ESR1: variants seen among roughly 807,000 people sequenced by gnomAD.
ESR1 encodes the protein estrogen receptor.
Under a neutral mutation model 52.7 loss-of-function variants are expected in ESR1, and 12 were observed. That is an observed-to-expected ratio of 0.23 (90% CI 0.15 to 0.37). ESR1 has a LOEUF of 0.37. Among genes scored for constraint, ESR1 ranks in the 10% least tolerant of loss-of-function variants. The pLI is 1.00. For synonymous variants in ESR1, 305 were observed against 316.8 expected, an observed-to-expected ratio of 0.96 and a Z score of 0.39; for missense variants, 584 against 779.7, an observed-to-expected ratio of 0.75 and a Z score of 2.99.
At chr6:151,753,866 C>T (rs1297874526) in intron 2 of ESR1, among the ~76,000 whole-genome samples, 1 of 152,198 alleles carries the variant, frequency 6.6e-6, no homozygotes, top group East Asian at 1.9e-4. Context: ...TACTTGCCCA[C>T]TTTTCCTCTT....
chr6:152,022,858 T>A (rs2043798175), intron 5 of ESR1, among the ~76,000 whole-genome samples: 1 of 151,738 alleles, frequency 6.6e-6, no homozygotes, highest in South Asian at 2.1e-4. Flanking sequence ...ATGCCTGTAA[T>A]CCCAGCTACT....
At chr6:151,864,454 A>T (rs1562490389) in intron 2 of ESR1, among the ~76,000 whole-genome samples, 1 of 152,128 alleles carries the variant, frequency 6.6e-6, no homozygotes, top group Non-Finnish European at 1.5e-5. Context: ...GCTGGAGAGG[A>T]TGTGGAGAAA....
At chr6:151,731,160 C>A (rs1377812763) in intron 2 of ESR1, among the ~76,000 whole-genome samples, 2 of 152,066 alleles carry the variant, frequency 1.3e-5, no homozygotes, top group African/African-American at 4.8e-5. Context: ...TTGAGACCAG[C>A]TTGTCCAACA....
chr6:151,961,445 T>A (rs2037648807), intron 4 of ESR1, among the ~76,000 whole-genome samples: 1 of 151,992 alleles, frequency 6.6e-6, no homozygotes, highest in African/African-American at 2.4e-5. Context: ...ATACTTGGAA[T>A]GAGTTCATGA....
At chr6:151,912,283 G>T (rs528468341) in intron 3 of ESR1, among the ~76,000 whole-genome samples, 7 of 152,134 alleles carry the variant, frequency 4.6e-5, no homozygotes, top group Admixed American at 3.9e-4. Context: ...TTTCAAATTC[G>T]GTTGAAACAG....
intron 1 of ESR1, among the ~76,000 whole-genome samples, chr6:151,810,395 GTTA>G (rs1453833086): frequency 6.6e-6 from 1 of 152,096 alleles, no homozygotes; most frequent in Non-Finnish European, 1.5e-5. Flanking sequence ...AATTCTGCCT[GTTA>G]TTATCCAGCA....
chr6:151,744,964 A>G (rs1464561618), intron 2 of ESR1, among the ~76,000 whole-genome samples: 1 of 152,020 alleles, frequency 6.6e-6, no homozygotes, highest in Non-Finnish European at 1.5e-5. Flanking sequence ...TGTTTAGTCC[A>G]TTTTCATCCT....
chr6:151,940,851 A>C (rs1327034578), intron 3 of ESR1, among the ~76,000 whole-genome samples: 1 of 152,240 alleles, frequency 6.6e-6, no homozygotes, highest in Admixed American at 6.5e-5. Context: ...GTGAATATAC[A>C]TTGTAAGTAT....
Position 152,098,988 on chromosome 6 carries a change from G to A in ESR1, c.*22G>A, listed in dbSNP as rs767283374. The A allele has an allele frequency of 6.3e-7, 1 of 1,591,380 alleles. No individual in the cohort carries two copies. The highest frequency in any genetic ancestry group is 1.3e-5 in the African/African-American group (1 of 74,428). On this transcript the variant is annotated 3_prime_UTR_variant, in exon 8 of 8. Transcript: ENST00000206249. This position sits in a 1 kb window ranked among gnomAD's most constrained non-coding sequence, Gnocchi z 5.1. Reference sequence around the variant, plus strand: ...CTGAGAGCTCCCTGGCTCCCACACGGTTCAGATAATCCCTGCTGCATTTTA... The same window carrying A: ...CTGAGAGCTCCCTGGCTCCCACACGATTCAGATAATCCCTGCTGCATTTTA...
chr6:151,867,414 T>TACACACAC (rs34943625), intron 2 of ESR1, among the ~76,000 whole-genome samples: 5,283 of 147,478 alleles, frequency 0.036, 178 homozygotes, highest in East Asian at 0.084. Flanking sequence ...TCAACAAATT[T>TACACACAC]ACACACACAC....
intron 1 of ESR1, among the ~76,000 whole-genome samples, chr6:151,700,443 C>G (rs1326311388): frequency 6.6e-6 from 1 of 152,104 alleles, no homozygotes; most frequent in Admixed American, 6.6e-5. Flanking sequence ...TACAAGTCCC[C>G]TAGAATAGAA....
chr6:151,879,226 A>G (rs1792362752), intron 2 of ESR1, among the ~76,000 whole-genome samples: 1 of 152,186 alleles, frequency 6.6e-6, no homozygotes, highest in South Asian at 2.1e-4. Flanking sequence ...CCTGTCTCAC[A>G]GCGGGAAGGG....
intron 2 of ESR1, among the ~76,000 whole-genome samples, chr6:151,762,663 G>A (rs1245616264): frequency 6.6e-6 from 1 of 152,120 alleles, no homozygotes; most frequent in Non-Finnish European, 1.5e-5. Flanking sequence ...ATAATCTAAC[G>A]TTTTAAAATA....
At chr6:151,665,694 A>G (rs1273446800) in intron 1 of ESR1, among the ~76,000 whole-genome samples, 2 of 152,196 alleles carry the variant, frequency 1.3e-5, no homozygotes. Context: ...TCAAAAATCA[A>G]TGATTTCTAA....
intron 5 of ESR1, among the ~76,000 whole-genome samples, chr6:152,058,243 A>G (rs1037393039): frequency 7.9e-5 from 12 of 152,166 alleles, no homozygotes. Flanking sequence ...TGACAAGAAA[A>G]ACCCACTTCT....
At chr6:151,914,770 C>T (rs1020965760) in intron 3 of ESR1, among the ~76,000 whole-genome samples, 5 of 152,104 alleles carry the variant, frequency 3.3e-5, no homozygotes, top group African/African-American at 4.8e-5. Flanking sequence ...ACATATAAAG[C>T]GTCCTCCATA....
intron 3 of ESR1, among the ~76,000 whole-genome samples, chr6:151,907,940 T>A (rs1054118820): frequency 6.6e-6 from 1 of 152,190 alleles, no homozygotes; most frequent in African/African-American, 2.4e-5. Flanking sequence ...ACAAATGGTA[T>A]TTAAGCATTT....
At chr6:151,987,197 T>C (rs1442590576) in intron 4 of ESR1, among the ~76,000 whole-genome samples, 1 of 152,062 alleles carries the variant, frequency 6.6e-6, no homozygotes, top group Non-Finnish European at 1.5e-5. Context: ...ATGCTCCATC[T>C]CCTCCTACTG....
intron 1 of ESR1, among the ~76,000 whole-genome samples, chr6:151,834,924 G>A (rs537503407): frequency 1.3e-5 from 2 of 152,000 alleles, no homozygotes; most frequent in African/African-American, 4.8e-5. Context: ...TCCAGGTCAC[G>A]GAAGGACTTG....
Sources: gnomAD v4.1 joint callset for allele counts (sites outside exome capture counted in the v4.1 genomes callset) on GRCh38, gnomAD v4.1.1 for gene constraint, Gnocchi (gnomAD v3.1) non-coding constraint, MANE v1.5 for transcripts, NCBI Gene and HGNC (gene_info 2026-07-23, HGNC 2026-07-21) for gene names.